ARMH1: variants seen among roughly 807,000 people sequenced by gnomAD.
ARMH1 encodes armadillo like helical domain containing 1, also known as armadillo-like helical domain containing protein 1.
In ARMH1, 34 loss-of-function variants were observed where a neutral mutation model predicts 50.2. That is an observed-to-expected ratio of 0.68 (90% confidence interval 0.51 to 0.90). The LOEUF (loss-of-function observed/expected upper bound fraction) is 0.90. Among genes scored for constraint, ARMH1 ranks in the 40% least tolerant of loss-of-function variants. The pLI is 0.00. For synonymous variants in ARMH1, 221 were observed against 224.2 expected (o/e 0.99, Z 0.13); for missense variants, 538 against 553.9 (o/e 0.97, Z 0.29).
intron 1 of ARMH1, among the ~76,000 whole-genome samples, chr1:44,675,117 C>T (rs972483837): frequency 3.3e-5 from 5 of 152,086 alleles, no homozygotes; most frequent in African/African-American, 9.7e-5. Flanking sequence ...TACTATGTGC[C>T]AGAGACTGGG....
intron 1 of ARMH1, among the ~76,000 whole-genome samples, chr1:44,679,386 A>T (rs1243432159): frequency 6.6e-6 from 1 of 152,240 alleles, no homozygotes; most frequent in African/African-American, 2.4e-5. Context: ...CTTTTCCAAA[A>T]GCCATTTTCC....
At chr1:44,701,332 A>G (rs1209086068) in intron 5 of ARMH1, among the ~76,000 whole-genome samples, 1 of 152,208 alleles carries the variant, frequency 6.6e-6, no homozygotes, top group Non-Finnish European at 1.5e-5. Context: ...CTTAAGGATC[A>G]GAAAGATGTT....
At position 44,724,937 on chromosome 1, in the gene ARMH1, C is replaced by G. The variant is rs1356332266; in HGVS notation, c.1128+98C>G. 4.0e-6 allele frequency: 6 copies of G among 1,499,534 alleles called. No individual in the cohort carries two copies. The highest frequency in any genetic ancestry group is 5.3e-6 in the Non-Finnish European group (6 of 1,123,054). The allele number at this position is 1,499,534 out of a possible 1,614,324, so 92.9% of individuals were successfully genotyped here. On this transcript the variant is annotated intron_variant, in intron 10 of 11. Transcript: ENST00000535358. This position sits in a 1 kb window ranked among gnomAD's most constrained non-coding sequence, Gnocchi z 6.4. Reference sequence around the variant, plus strand: ...TCCCCATCCTGGAGCGCGCCACATGCAGAGTGGACCTGGCCACCAGCTGCA... The same window carrying G: ...TCCCCATCCTGGAGCGCGCCACATGGAGAGTGGACCTGGCCACCAGCTGCA...
rs1040235581 is a variant in ARMH1, at chr1:44,683,400, A to G, written c.-22-6276A>G. Among the ~76,000 whole-genome samples, 3 of 152,218 alleles carry G rather than the reference A, an allele frequency of 2.0e-5. No individual in the cohort carries two copies. The highest frequency in any genetic ancestry group is 7.2e-5 in the African/African-American group (3 of 41,458). ...CGGATTTGAGAGTCGTGCGCCTATAAATGTAATTTGAAGTGATGGGGTGAA... is the reference window on the plus strand; with the variant it reads ...CGGATTTGAGAGTCGTGCGCCTATAGATGTAATTTGAAGTGATGGGGTGAA... On this transcript the variant is annotated intron_variant, in intron 1 of 11. Transcript: ENST00000535358. The surrounding 1 kb of genome is among the most constrained non-coding windows in gnomAD (Gnocchi z 4.2).
At chr1:44,713,097 CTTTTTTTT>C (rs538780455) in intron 6 of ARMH1, among the ~76,000 whole-genome samples, 1 of 118,858 alleles carries the variant, frequency 8.4e-6, no homozygotes, top group South Asian at 3.0e-4. Context: ...TGCGCCCGGC[CTTTTTTTT>C]TTTTTTTTTT....
chr1:44,686,098 GACA>G (rs1645463860), intron 1 of ARMH1, among the ~76,000 whole-genome samples: 1 of 152,154 alleles, frequency 6.6e-6, no homozygotes, highest in South Asian at 2.1e-4. Flanking sequence ...GAAATCCCAG[GACA>G]ACATTTGCAT....
intron 6 of ARMH1, among the ~76,000 whole-genome samples, chr1:44,715,190 C>A (rs115853437): frequency 1.3e-5 from 2 of 152,152 alleles, no homozygotes; most frequent in African/African-American, 4.8e-5. Flanking sequence ...GAGAAAGACC[C>A]GGAACCCTGG....
intron 2 of ARMH1, chr1:44,693,119 G>T (rs1476244859): frequency 2.0e-5 from 3 of 152,126 alleles, no homozygotes; most frequent in African/African-American, 4.8e-5. Context: ...CACTCCCAAG[G>T]TTCTGCTTTA....
chr1:44,710,392 G>A (rs955240111), intron 6 of ARMH1, among the ~76,000 whole-genome samples: 63 of 151,918 alleles, frequency 4.1e-4, no homozygotes, highest in Admixed American at 1.2e-3. Flanking sequence ...GGTGGATCAC[G>A]AGGTCAGGAG....
At position 44,724,448 on chromosome 1, in the gene ARMH1, CG is replaced by C; in HGVS notation, c.920+59del. The C allele has an allele frequency of 6.5e-7, 1 of 1,531,894 alleles. No homozygotes were observed. Among genetic ancestry groups the C allele is most frequent in the Non-Finnish European group, 8.8e-7 (1 of 1,140,172 alleles). 94.9% of individuals were successfully genotyped at this position (1,531,894 alleles called of 1,614,324 possible). ...AGCAAGCCTGGCTTGGCGCTGCCGG[CG>C]GGCCCCGGGAGCGCTCCGTGCGCCG... On this transcript the variant is annotated intron_variant, in intron 8 of 11. Transcript: ENST00000535358. The surrounding 1 kb of genome is among the most constrained non-coding windows in gnomAD (Gnocchi z 6.4).
At chr1:44,713,243 C>G (rs1369857174) in intron 6 of ARMH1, among the ~76,000 whole-genome samples, 1 of 151,858 alleles carries the variant, frequency 6.6e-6, no homozygotes, top group Non-Finnish European at 1.5e-5. Context: ...GGACCACAAG[C>G]ATGCAGCACC....
intron 2 of ARMH1, 102 bp downstream of exon 2, chr1:44,690,005 G>A: frequency 9.8e-7 from 1 of 1,021,542 alleles, no homozygotes. Context: ...AGATCACAAG[G>A]TCAGGAGTTC....
chr1:44,725,164 T>C lies in ARMH1; in HGVS notation c.1157T>C (p.Ile386Thr), dbSNP rs370156304. Residue 386 changes from isoleucine (I) to threonine (T), a missense_variant, in exon 11 of 12, where the codon ATA (isoleucine) becomes ACA (threonine). Ile to Thr is a moderately conservative substitution (Grantham distance 89). Coordinates refer to ENST00000535358, the MANE Select transcript of ARMH1 (RefSeq NM_001145636.2). ...LSNAEDLYMKIDSIQADILAA... is the reference protein window; with the variant it reads ...LSNAEDLYMKTDSIQADILAA... ...AACGCTGAGGACTTGTACATGAAAA[T>C]AGACAGCATTCAGGCGGACATCTTG... The C allele has an allele frequency of 1.0e-4, 158 of 1,551,816 alleles. No individual in the cohort carries two copies. The highest frequency in any genetic ancestry group is 1.5e-4 in the African/African-American group (11 of 73,102).
intron 6 of ARMH1, chr1:44,721,836 T>C (rs961265860): frequency 1.7e-4 from 26 of 152,212 alleles, no homozygotes; most frequent in East Asian, 5.8e-4. Flanking sequence ...CTCATAGTTG[T>C]TTTTCTCCAC....
At chr1:44,715,086 A>G (rs549425439) in intron 6 of ARMH1, among the ~76,000 whole-genome samples, 5 of 152,284 alleles carry the variant, frequency 3.3e-5, no homozygotes, top group African/African-American at 9.6e-5. Flanking sequence ...AAACACGTTC[A>G]TGCTAGTGCC....
intron 3 of ARMH1, 64 bp downstream of exon 3, chr1:44,697,234 G>T (rs1164229381): frequency 7.8e-6 from 10 of 1,289,864 alleles, no homozygotes; most frequent in Non-Finnish European, 1.1e-5. Context: ...GATGTCTTTG[G>T]CATTCACACC....
At chr1:44,721,954 C>T (rs988141155) in intron 6 of ARMH1, 2 of 152,210 alleles carry the variant, frequency 1.3e-5, no homozygotes, top group African/African-American at 2.4e-5. Context: ...TCTCCCTCTA[C>T]TTACGGTGCC....
chr1:44,699,283 C>CA (rs75158327), intron 4 of ARMH1, among the ~76,000 whole-genome samples: 1,958 of 41,208 alleles, frequency 0.048, 60 homozygotes, highest in African/African-American at 0.094. Flanking sequence ...GACTCCGTCT[C>CA]AAAAAAAAAA....
intron 2 of ARMH1, chr1:44,693,066 A>G (rs1645711299): frequency 6.6e-6 from 1 of 152,188 alleles, no homozygotes; most frequent in South Asian, 2.1e-4. Context: ...TATTGTGCAT[A>G]AAAGAGGTTT....
Sources: gnomAD v4.1 joint callset for allele counts (sites outside exome capture counted in the v4.1 genomes callset) on GRCh38, gnomAD v4.1.1 for gene constraint, Gnocchi (gnomAD v3.1) non-coding constraint, MANE v1.5 for transcripts, NCBI Gene and HGNC (gene_info 2026-07-23, HGNC 2026-07-21) for gene names.